Variants in SFI1 observed in about 807,000 individuals in gnomAD.
SFI1 encodes the protein protein SFI1 homolog.
A neutral mutation model predicts 207.5 loss-of-function variants in SFI1; 195 were observed. The observed-to-expected ratio is 0.94, with a 90% CI of 0.84 to 1.06. The LOEUF (loss-of-function observed/expected upper bound fraction) is 1.06, where lower values mean the gene tolerates loss of function less well. Among genes scored for constraint, SFI1 ranks in the 50% least tolerant of loss-of-function variants. SFI1 has a pLI of 0.00. For missense variants in SFI1, 1,634 were observed against 1,588.0 expected (o/e 1.03, Z -0.49); for synonymous variants, 630 against 598.9 (o/e 1.05, Z -0.76).
At chr22:31,606,295 T>G (rs748487459) in intron 20 of SFI1, 33 bp from the exon 21 acceptor site, 1 of 1,588,338 alleles carries the variant, frequency 6.3e-7, no homozygotes, top group African/African-American at 1.3e-5. Flanking sequence ...TATCCTGGTG[T>G]CATCTGCCTT....
intron 20 of SFI1, 86 bp downstream of exon 20, chr22:31,605,031 G>A (rs1473719098): frequency 8.3e-7 from 1 of 1,207,266 alleles, no homozygotes; most frequent in Non-Finnish European, 1.1e-6. Context: ...TCCTGCTGAG[G>A]GCCAGGTCGG....
chr22:31,556,668 C>A (rs926061227), intron 6 of SFI1, among the ~76,000 whole-genome samples: 1 of 152,268 alleles, frequency 6.6e-6, no homozygotes, highest in South Asian at 2.1e-4. Context: ...CAGAGTATAT[C>A]TATAGAAATA....
At chr22:31,607,887 G>C in intron 21 of SFI1, 50 bp from the exon 22 acceptor site, 3 of 1,565,956 alleles carry the variant, frequency 1.9e-6, no homozygotes, top group Non-Finnish European at 1.8e-6. Context: ...GGGTGGACCC[G>C]GAAGCCAGGA....
At position 31,615,165 on chromosome 22, in the gene SFI1, G is replaced by A. The variant is rs772643539; in HGVS notation, c.3186G>A (p.Gly1062=). The change falls in exon 29 of 33, where the codon GGG becomes GGA. Residue 1062 remains glycine, a synonymous_variant. Coordinates refer to ENST00000400288, the MANE Select transcript of SFI1 (RefSeq NM_001007467.3). ...TALVPHSPLP[G]ALSSAPGPKQ... ...TGGTCCCACACAGCCCCCTGCCTGGGGCCCTGTCAAGCGCCCCTGGCCCGA... is the reference window on the plus strand; with the variant it reads ...TGGTCCCACACAGCCCCCTGCCTGGAGCCCTGTCAAGCGCCCCTGGCCCGA... The A allele has an allele frequency of 8.1e-6, 13 of 1,605,808 alleles. No homozygotes were observed. Among genetic ancestry groups the A allele is most frequent in the African/African-American group, 1.3e-5 (1 of 74,654 alleles).
In SFI1 at chr22:31,604,422, C is replaced by A; in HGVS notation, c.1977+18C>A. ...CATGGGTGGTAGGAACTGCTGCTTCCCTCCTGATCTTGCTGTGGGGACAGG... is the reference window on the plus strand; with the variant it reads ...CATGGGTGGTAGGAACTGCTGCTTCACTCCTGATCTTGCTGTGGGGACAGG... On this transcript the variant is annotated intron_variant, in intron 19 of 32. Transcript: ENST00000400288. 1 of 1,495,228 alleles carries A rather than the reference C, an allele frequency of 6.7e-7. No individual in the cohort carries two copies. Among genetic ancestry groups the A allele is most frequent in the East Asian group, 2.5e-5 (1 of 40,578 alleles). The allele number at this position is 1,495,228 out of a possible 1,614,324, so 92.6% of individuals were successfully genotyped here.
At chr22:31,575,780 A>G (rs1398354719) in intron 10 of SFI1, among the ~76,000 whole-genome samples, 4 of 152,156 alleles carry the variant, frequency 2.6e-5, no homozygotes, top group African/African-American at 9.7e-5. Context: ...GGAAATAGCC[A>G]CCACTATCTT....
intron 9 of SFI1, among the ~76,000 whole-genome samples, chr22:31,574,829 G>T (rs960781434): frequency 3.3e-5 from 5 of 152,128 alleles, no homozygotes; most frequent in Non-Finnish European, 5.9e-5. Context: ...GGCTGAGGCG[G>T]GCGGATCACT....
At chr22:31,599,459 T>C (rs956918012) in intron 15 of SFI1, among the ~76,000 whole-genome samples, 1 of 152,128 alleles carries the variant, frequency 6.6e-6, no homozygotes, top group South Asian at 2.1e-4. Context: ...CCCAAGTAGC[T>C]GGGACTATAG....
At chr22:31,583,528 AG>A (rs778324422) in intron 12 of SFI1, among the ~76,000 whole-genome samples, 3 of 152,238 alleles carry the variant, frequency 2.0e-5, no homozygotes, top group Non-Finnish European at 4.4e-5. Flanking sequence ...GGGCTTGTTT[AG>A]ATTGAAGTTA....
Position 31,615,239 on chromosome 22 carries a change from T to C in SFI1, c.3260T>C (p.Leu1087Pro), listed in dbSNP as rs12171042. 0.29 allele frequency: 440,662 copies of C among 1,528,642 alleles called. 67,589 individuals are homozygous for C. Among genetic ancestry groups the C allele is most frequent in the African/African-American group, 0.53 (37,874 of 72,056 alleles). The allele number at this position is 1,528,642 out of a possible 1,614,324, so 94.7% of individuals were successfully genotyped here. ...STGPELLLLP[L>P]SSFMPCGAAA... The stretch of plus-strand genomic sequence containing the variant: ...GGCCCGGAGCTGCTGCTGCTGCCTC[T>C]TTCCTCCTTCATGCCCTGCGGGGCG... The change falls in exon 29 of 33, where the codon CTT (leucine) becomes CCT (proline). Residue 1087 changes from leucine to proline, a missense_variant. By Grantham distance (98) the Leu-to-Pro change is moderately conservative. Transcript: ENST00000400288.
intron 31 of SFI1, 109 bp downstream of exon 31, chr22:31,617,187 T>C (rs1257186864): frequency 2.5e-5 from 30 of 1,193,532 alleles, no homozygotes; most frequent in Non-Finnish European, 2.3e-5. Flanking sequence ...GTCCTGTAGG[T>C]GGTCTCGGTC....
At chr22:31,554,925 C>T (rs1199979107) in intron 6 of SFI1, among the ~76,000 whole-genome samples, 1 of 152,158 alleles carries the variant, frequency 6.6e-6, no homozygotes, top group East Asian at 1.9e-4. Context: ...CTTTGCCCCA[C>T]AGATTATTTA....
rs769126766 is a variant in SFI1, at chr22:31,611,843, G to A, written c.2490+3G>A. ...GCTTCCGCCAGTGGAGACAACAGGT[G>A]GGAACCCAGGAGATGTCCCCTCTGC... On this transcript the variant is annotated splice_donor_region_variant and intron_variant, in intron 24 of 32. Coordinates refer to ENST00000400288, the MANE Select transcript of SFI1 (RefSeq NM_001007467.3). 27 of 1,613,672 alleles carry A rather than the reference G, an allele frequency of 1.7e-5. No homozygotes were observed. In the Middle Eastern group the frequency reaches 1.6e-3, roughly 98 times the overall value.
rs1385355544 is a variant in SFI1, at chr22:31,594,036, C to T, written c.1544+4459C>T. Among the ~76,000 whole-genome samples the T allele has an allele frequency of 2.1e-5, 3 of 145,112 alleles. No homozygotes were observed. In the East Asian group the frequency reaches 6.0e-4, roughly 29 times the overall value. ...AGAGGGAGAGGGAGAGGGAGGTGTCCATCTTTATTTCAAGGGCTTTCAAAA... is the reference window on the plus strand; with the variant it reads ...AGAGGGAGAGGGAGAGGGAGGTGTCTATCTTTATTTCAAGGGCTTTCAAAA... On this transcript the variant is annotated intron_variant, in intron 15 of 32. Transcript: ENST00000400288.
intron 15 of SFI1, among the ~76,000 whole-genome samples, chr22:31,599,020 C>T (rs1181324284): frequency 6.6e-6 from 1 of 150,516 alleles, no homozygotes; most frequent in Non-Finnish European, 1.5e-5. Context: ...TCTCGAACTC[C>T]TAAGCTTGTG....
chr22:31,512,103 C>T (rs899651862), intron 2 of SFI1, among the ~76,000 whole-genome samples: 1 of 152,108 alleles, frequency 6.6e-6, no homozygotes, highest in African/African-American at 2.4e-5. Context: ...GCACTGTAAT[C>T]CCCACACTTT....
chr22:31,517,282 A>G (rs1278967589), intron 2 of SFI1, among the ~76,000 whole-genome samples: 5 of 152,038 alleles, frequency 3.3e-5, no homozygotes, highest in Non-Finnish European at 7.4e-5. Flanking sequence ...AGGGTCTCGC[A>G]CTGTCACACT....
At chr22:31,595,387 T>C (rs920934316) in intron 15 of SFI1, among the ~76,000 whole-genome samples, 1 of 152,220 alleles carries the variant, frequency 6.6e-6, no homozygotes, top group Non-Finnish European at 1.5e-5. Flanking sequence ...CATAAACTCA[T>C]TCTGCCCATG....
intron 5 of SFI1, among the ~76,000 whole-genome samples, chr22:31,548,209 C>T (rs905340000): frequency 6.7e-6 from 1 of 149,622 alleles, no homozygotes; most frequent in African/African-American, 2.5e-5. Context: ...AACAGTGGAG[C>T]GAGACTCCAT....
Sources: allele counts gnomAD v4.1 joint callset (sites outside exome capture counted in the v4.1 genomes callset), GRCh38; gene constraint gnomAD v4.1.1; transcripts MANE v1.5; gene names NCBI Gene and HGNC (gene_info 2026-07-23, HGNC 2026-07-21).